The following RASSF3 variants were observed in gnomAD, a reference collection of about 807,000 sequenced individuals.
RASSF3 encodes the protein Ras association domain family member 3, also known as ras association domain-containing protein 3.
A neutral mutation model predicts 19.9 loss-of-function variants in RASSF3; 19 were observed. The observed-to-expected ratio is 0.96, with a 90% CI of 0.67 to 1.40. The LOEUF (loss-of-function observed/expected upper bound fraction) is 1.40. Among genes scored for constraint, RASSF3 ranks in the 40% most tolerant of loss-of-function variants. The pLI is 0.00. For synonymous variants in RASSF3, 110 were observed against 104.2 expected (o/e 1.06, Z -0.34); for missense variants, 306 against 289.8 (o/e 1.06, Z -0.41).
intron 2 of RASSF3, among the ~76,000 whole-genome samples, chr12:64,594,335 G>GA (rs981284934): frequency 5.3e-5 from 8 of 151,496 alleles, no homozygotes; most frequent in African/African-American, 9.7e-5. Flanking sequence ...TTCTGTCTCA[G>GA]AAAAAAAAGG....
intron 1 of RASSF3, among the ~76,000 whole-genome samples, chr12:64,670,878 G>A (rs73321781): frequency 0.012 from 1,782 of 152,218 alleles, 38 homozygotes; most frequent in African/African-American, 0.041. Context: ...GCTTTGAATC[G>A]GATAGACCCG....
At chr12:64,679,583 C>G (rs1032569885) in intron 1 of RASSF3, among the ~76,000 whole-genome samples, 1 of 152,022 alleles carries the variant, frequency 6.6e-6, no homozygotes. Flanking sequence ...TCATGCTACC[C>G]GAGAACTCCT....
intron 1 of RASSF3, among the ~76,000 whole-genome samples, chr12:64,647,370 G>A (rs1490374112): frequency 1.3e-5 from 2 of 151,558 alleles, no homozygotes; most frequent in African/African-American, 4.8e-5. Flanking sequence ...TGAGCAGCTG[G>A]GATTGCAGGC....
Position 64,610,759 on chromosome 12 carries a change from C to T in RASSF3, c.111+16C>T, listed in dbSNP as rs374886610. 5 of 1,549,314 alleles carry T rather than the reference C, an allele frequency of 3.2e-6. No individual in the cohort carries two copies. The highest frequency in any genetic ancestry group is 1.1e-5 in the South Asian group (1 of 87,350). ...CGGCCAACAAGTGAGTGGCGCGCGG[C>T]GGGCGCTGCAGCCCGCGCCCCAGAG... On this transcript the variant is annotated intron_variant, in intron 1 of 4. Coordinates refer to ENST00000542104, the MANE Select transcript of RASSF3 (RefSeq NM_178169.4).
intron 1 of RASSF3, among the ~76,000 whole-genome samples, chr12:64,666,268 G>A (rs1872537222): frequency 6.6e-6 from 1 of 152,204 alleles, no homozygotes; most frequent in Non-Finnish European, 1.5e-5. Flanking sequence ...ATGGAATGCT[G>A]ATTGTTTATT....
intron 2 of RASSF3, among the ~76,000 whole-genome samples, chr12:64,553,934 G>A (rs930374316): frequency 6.5e-4 from 94 of 145,556 alleles, no homozygotes; most frequent in African/African-American, 2.4e-3. Flanking sequence ...CTGTGATTAC[G>A]CTACTGCATT....
At chr12:64,638,316 C>T (rs1439510938) in intron 1 of RASSF3, among the ~76,000 whole-genome samples, 1 of 152,182 alleles carries the variant, frequency 6.6e-6, no homozygotes, top group African/African-American at 2.4e-5. Context: ...CGCCGTGGCT[C>T]ATGCCTGTAA....
At chr12:64,640,217 G>C (rs544672910) in intron 1 of RASSF3, among the ~76,000 whole-genome samples, 1 of 152,224 alleles carries the variant, frequency 6.6e-6, no homozygotes, top group South Asian at 2.1e-4. Context: ...AGTTTGATGA[G>C]TTTGGACATA....
intron 2 of RASSF3, among the ~76,000 whole-genome samples, chr12:64,605,212 C>G (rs1870169440): frequency 6.6e-6 from 1 of 151,674 alleles, no homozygotes; most frequent in South Asian, 2.1e-4. Context: ...TCTTGAACTC[C>G]TGACCTCAGG....
chr12:64,650,141 G>C (rs1196695407), intron 1 of RASSF3, among the ~76,000 whole-genome samples: 1 of 152,218 alleles, frequency 6.6e-6, no homozygotes, highest in Non-Finnish European at 1.5e-5. Flanking sequence ...GGGATCCCCA[G>C]TATAAACTTT....
intron 1 of RASSF3, among the ~76,000 whole-genome samples, chr12:64,612,893 TATC>T (rs1287757173): frequency 6.6e-6 from 1 of 152,196 alleles, no homozygotes; most frequent in Non-Finnish European, 1.5e-5. Flanking sequence ...TATTTTGAAA[TATC>T]GTGTTGGAAA....
chr12:64,666,102 A>G (rs755555545), intron 1 of RASSF3, among the ~76,000 whole-genome samples: 2 of 152,242 alleles, frequency 1.3e-5, no homozygotes, highest in South Asian at 4.1e-4. Flanking sequence ...TTATGGAGCC[A>G]TGCTTTTTTG....
At chr12:64,528,608 T>A (rs1868638895), upstream of RASSF3, among the ~76,000 whole-genome samples, 1 of 152,192 alleles carries the variant, frequency 6.6e-6, no homozygotes, top group Non-Finnish European at 1.5e-5. Context: ...ATTAGGAAAC[T>A]GAAAGAAACC....
intron 1 of RASSF3, among the ~76,000 whole-genome samples, chr12:64,510,029 G>A (rs1350603377): frequency 2.0e-5 from 3 of 151,136 alleles, no homozygotes; most frequent in Non-Finnish European, 4.4e-5. Context: ...AGAGGTTGCA[G>A]TGAGCTGAGA....
At chr12:64,636,187 G>A (rs1300863371) in intron 1 of RASSF3, among the ~76,000 whole-genome samples, 1 of 151,176 alleles carries the variant, frequency 6.6e-6, no homozygotes, top group South Asian at 2.1e-4. Context: ...TGCGATCTCT[G>A]CTTACTTCAA....
chr12:64,676,888 C>T (rs1466259617), intron 1 of RASSF3, among the ~76,000 whole-genome samples: 3 of 152,062 alleles, frequency 2.0e-5, no homozygotes, highest in Non-Finnish European at 2.9e-5. Flanking sequence ...CCTGCCTCAG[C>T]CTCCCAAGTA....
Position 64,691,552 on chromosome 12 carries a change from T to C in RASSF3, c.540T>C (p.Phe180=), listed in dbSNP as rs1191579197. 12 of 1,611,566 alleles carry C rather than the reference T, an allele frequency of 7.4e-6. No individual in the cohort carries two copies. The highest frequency in any genetic ancestry group is 1.0e-5 in the Non-Finnish European group (12 of 1,178,338). The change falls in exon 4 of 5, where the codon TTT becomes TTC. Residue 180 remains phenylalanine, a synonymous_variant. Coordinates refer to ENST00000542104, the MANE Select transcript of RASSF3 (RefSeq NM_178169.4). The part of the protein sequence containing the change: ...VAGPRTDTLS[F]VLREHEIGEW... Reference sequence around the variant, plus strand: ...GGCCCAGAACAGACACACTTAGTTTTGTTCTTCGTGAACATGAAATTGGAG... The same window carrying C: ...GGCCCAGAACAGACACACTTAGTTTCGTTCTTCGTGAACATGAAATTGGAG...
intron 2 of RASSF3, among the ~76,000 whole-genome samples, chr12:64,575,196 A>C (rs1293342422): frequency 6.6e-6 from 1 of 152,282 alleles, no homozygotes; most frequent in African/African-American, 2.4e-5. Context: ...TCAAATCAAC[A>C]CACATAAACC....
intron 1 of RASSF3, among the ~76,000 whole-genome samples, chr12:64,632,045 GAGA>G: frequency 6.6e-6 from 1 of 152,270 alleles, no homozygotes; most frequent in Non-Finnish European, 1.5e-5. Flanking sequence ...TTGAGTGGAG[GAGA>G]AGTTCAATCT....
Sources: allele counts gnomAD v4.1 joint callset (sites outside exome capture counted in the v4.1 genomes callset), GRCh38; gene constraint gnomAD v4.1.1; transcripts MANE v1.5; gene names NCBI Gene and HGNC (gene_info 2026-07-23, HGNC 2026-07-21).